ATP5MC2: variants seen among roughly 807,000 people sequenced by gnomAD.
The protein encoded by ATP5MC2 is ATP synthase membrane subunit c locus 2.
A neutral mutation model predicts 13.5 loss-of-function variants in ATP5MC2; 11 were observed. The observed-to-expected ratio is 0.81, with a 90% confidence interval of 0.51 to 1.35. The LOEUF (loss-of-function observed/expected upper bound fraction) is 1.35, where lower values mean the gene tolerates loss of function less well. Among genes scored for constraint, ATP5MC2 ranks in the 40% most tolerant of loss-of-function variants. The pLI is 0.00. For synonymous variants in ATP5MC2, 64 were observed against 69.7 expected (o/e 0.92, Z 0.41); for missense variants, 132 against 175.0 (o/e 0.75, Z 1.39).
intron 4 of ATP5MC2, among the ~76,000 whole-genome samples, chr12:53,667,503 A>AT (rs34602823): frequency 0.18 from 26,787 of 148,656 alleles, 2,901 homozygotes; most frequent in East Asian, 0.55. Context: ...ATGCGAAACT[A>AT]TTTTTTTTTT....
At chr12:53,672,083 CAAAAAAA>C (rs916010110) in intron 2 of ATP5MC2, among the ~76,000 whole-genome samples, 4 of 47,186 alleles carry the variant, frequency 8.5e-5, no homozygotes, top group African/African-American at 3.7e-4. Flanking sequence ...AACTCTGTCT[CAAAAAAA>C]AAAAAAAAAA....
In ATP5MC2 at chr12:53,669,967, AG is replaced by A. The variant is rs1410836365; in HGVS notation, c.40-20del. The A allele has an allele frequency of 3.1e-6, 5 of 1,612,366 alleles. No homozygotes were observed. Among genetic ancestry groups the A allele is most frequent in the Non-Finnish European group, 4.2e-6 (5 of 1,178,648 alleles). ...TCTTGACCTAGCAGGAATGACATAC[AG>A]GGGCAGGAAGGTCAAGGAAGACTGG... On this transcript the variant is annotated intron_variant, in intron 2 of 4. Coordinates refer to ENST00000394349, the MANE Select transcript of ATP5MC2 (RefSeq NM_005176.7).
At position 53,669,207 on chromosome 12, in the gene ATP5MC2, C is replaced by A; in HGVS notation, c.252G>T (p.Val84=). Residue 84 remains valine (V), a synonymous_variant, in exon 4 of 5, where the codon GTG becomes GTT. Coordinates refer to ENST00000394349, the MANE Select transcript of ATP5MC2 (RefSeq NM_005176.7). ...FIGAGAATVG[V]AGSGAGIGTV... ...TTCCAATCCCAGCCCCAGAACCAGC[C>A]ACCCCAACTGTGGCAGCCCCAGCTC... 6.2e-7 allele frequency: 1 copy of A among 1,613,978 alleles called. No individual in the cohort carries two copies. The highest frequency in any genetic ancestry group is 1.1e-5 in the South Asian group (1 of 91,076).
At chr12:53,668,853 T>C (rs2138023817) in intron 4 of ATP5MC2, among the ~76,000 whole-genome samples, 1 of 152,104 alleles carries the variant, frequency 6.6e-6, no homozygotes, top group Non-Finnish European at 1.5e-5. Context: ...ACCCCATCTC[T>C]ACTAAAACCA....
chr12:53,680,689 G>GA (rs757742169), upstream of ATP5MC2, among the ~76,000 whole-genome samples: 9 of 131,656 alleles, frequency 6.8e-5, no homozygotes, highest in African/African-American at 1.4e-4. Context: ...CAAAATGTTT[G>GA]AAAAAAAAAT....
Position 53,669,119 on chromosome 12 carries a change from T to C in ATP5MC2, c.311+29A>G, listed in dbSNP as rs748542857. 14 of 1,578,940 alleles carry C rather than the reference T, an allele frequency of 8.9e-6. No individual in the cohort carries two copies. In the Admixed American group the frequency reaches 2.0e-4, roughly 23 times the overall value. Reference sequence around the variant, plus strand: ...TCTGACCTTTGGAAAGCATATCAGATAACCAGTGGAGGGTCCAACTTATCT... The same window carrying C: ...TCTGACCTTTGGAAAGCATATCAGACAACCAGTGGAGGGTCCAACTTATCT... On this transcript the variant is annotated intron_variant, in intron 4 of 4. Transcript: ENST00000394349.
At chr12:53,672,057 T>C (rs1211179225) in intron 2 of ATP5MC2, among the ~76,000 whole-genome samples, 2 of 92,098 alleles carry the variant, frequency 2.2e-5, no homozygotes, top group Admixed American at 3.0e-4. Flanking sequence ...CATTGCAGCC[T>C]GGGCAACAAG....
At chr12:53,680,604 G>A (rs1945335346), upstream of ATP5MC2, among the ~76,000 whole-genome samples, 1 of 151,892 alleles carries the variant, frequency 6.6e-6, no homozygotes, top group Non-Finnish European at 1.5e-5. Flanking sequence ...CTGAGGCAGG[G>A]AGATTGCATG....
rs781062050 is a variant in ATP5MC2, at chr12:53,669,254, C to T, written c.205G>A (p.Asp69Asn). The change falls in exon 4 of 5, where the codon GAC (aspartate) becomes AAC (asparagine). Residue 69 changes from aspartate (D) to asparagine (N), a missense_variant. Transcript: ENST00000394349. ...FQTSAISRDI[D>N]TAAKFIGAGA... ...GCTCCAATGAACTTGGCTGCTGTGT[C>T]GATGTCCCTTGAAATGGCGCTGGTT... 22 of 1,613,888 alleles carry T rather than the reference C, an allele frequency of 1.4e-5. No individual in the cohort carries two copies. Among genetic ancestry groups the T allele is most frequent in the East Asian group, 6.7e-5 (3 of 44,898 alleles).
chr12:53,671,091 T>C (rs910084349), intron 2 of ATP5MC2, among the ~76,000 whole-genome samples: 1 of 152,142 alleles, frequency 6.6e-6, no homozygotes, highest in Admixed American at 6.5e-5. Context: ...GGAACAAAGA[T>C]TCATGCTCAA....
chr12:53,672,083 C>CAAAAAAAAAAAAAA lies in ATP5MC2; in HGVS notation c.39+479_39+492dup, dbSNP rs916010110. Among the ~76,000 whole-genome samples, 57 of 47,166 alleles carry CAAAAAAAAAAAAAA rather than the reference C, an allele frequency of 1.2e-3. 2 individuals are homozygous for CAAAAAAAAAAAAAA. Among genetic ancestry groups the CAAAAAAAAAAAAAA allele is most frequent in the African/African-American group, 3.4e-3 (37 of 10,940 alleles). 30.9% of individuals were successfully genotyped at this position (47,166 alleles called of 152,430 possible). On this transcript the variant is annotated intron_variant, in intron 2 of 4. Coordinates refer to ENST00000394349, the MANE Select transcript of ATP5MC2 (RefSeq NM_005176.7). Reference sequence around the variant, plus strand: ...GGGCAACAAGAGCGAAACTCTGTCTCAAAAAAAAAAAAAAAAAAAAAATTA... The same window carrying CAAAAAAAAAAAAAA: ...GGGCAACAAGAGCGAAACTCTGTCTCAAAAAAAAAAAAAAAAAAAAAAAAAAAAAAAAAAAATTA...
intron 4 of ATP5MC2, among the ~76,000 whole-genome samples, chr12:53,667,074 G>T (rs1029023527): frequency 1.3e-5 from 2 of 152,148 alleles, no homozygotes; most frequent in African/African-American, 2.4e-5. Flanking sequence ...ACCTCCAGAA[G>T]TCTTGATGGG....
upstream of ATP5MC2, among the ~76,000 whole-genome samples, chr12:53,679,439 G>A (rs1316392755): frequency 2.6e-5 from 4 of 152,222 alleles, no homozygotes; most frequent in Non-Finnish European, 5.9e-5. Flanking sequence ...TAGAACAGCT[G>A]TCTTCGAGGC....
intron 1 of ATP5MC2, chr12:53,674,165 T>A (rs1945198340): frequency 6.6e-6 from 1 of 152,002 alleles, no homozygotes; most frequent in Admixed American, 6.6e-5. Context: ...TGGGCAAACA[T>A]CAAGACCTCA....
chr12:53,668,549 C>T (rs1485116250), intron 4 of ATP5MC2, among the ~76,000 whole-genome samples: 3 of 151,390 alleles, frequency 2.0e-5, no homozygotes, highest in Admixed American at 6.6e-5. Context: ...AAGCGATTCA[C>T]CTGCCCTGGC....
intron 2 of ATP5MC2, among the ~76,000 whole-genome samples, chr12:53,672,104 A>AAAAAAAAAAAAAAAAAAAAAAAAAAC (rs1945115519): frequency 6.6e-6 from 1 of 150,898 alleles, no homozygotes; most frequent in African/African-American, 2.4e-5. Context: ...AAAAAAAAAA[A>AAAAAAAAAAAAAAAAAAAAAAAAAAC]ATTAACTGGC....
At position 53,670,239 on chromosome 12, in the gene ATP5MC2, C is replaced by G. The variant is rs1018826680; in HGVS notation, c.40-291G>C. 3.2e-5 allele frequency: 13 copies of G among 406,566 alleles called. 1 individual carries two copies. The highest frequency in any genetic ancestry group is 5.1e-5 in the Non-Finnish European group (11 of 213,734). The allele number at this position is 406,566 out of a possible 1,614,324, so 25.2% of individuals were successfully genotyped here. On this transcript the variant is annotated intron_variant, in intron 2 of 4. Coordinates refer to ENST00000394349, the MANE Select transcript of ATP5MC2 (RefSeq NM_005176.7). ...TATATCCTTTTATAGCTCTTGAGAA[C>G]AAGAAGAAATCTAAGCCTCAGAAGC...
chr12:53,676,337 G>A (rs1945277686), upstream of ATP5MC2: 2 of 1,257,282 alleles, frequency 1.6e-6, no homozygotes, highest in Non-Finnish European at 2.2e-6. Flanking sequence ...CTGCGGTTTG[G>A]TCTGTACCGC....
At chr12:53,667,950 C>CACATACACAT (rs1555159624) in intron 4 of ATP5MC2, among the ~76,000 whole-genome samples, 2 of 37,280 alleles carry the variant, frequency 5.4e-5, no homozygotes, top group African/African-American at 1.6e-4. Flanking sequence ...TACATACATA[C>CACATACACAT]ACACACATAT....
Sources: allele counts gnomAD v4.1 joint callset (sites outside exome capture counted in the v4.1 genomes callset), GRCh38; gene constraint gnomAD v4.1.1; transcripts MANE v1.5; gene names NCBI Gene and HGNC (gene_info 2026-07-23, HGNC 2026-07-21).